Variants in RASGRF2 observed in about 807,000 individuals in gnomAD.
RASGRF2 encodes ras-specific guanine nucleotide-releasing factor 2.
In RASGRF2, 76 loss-of-function variants were observed where a neutral mutation model predicts 151.0. That is an observed-to-expected ratio of 0.50 (90% confidence interval 0.42 to 0.61). The LOEUF is 0.61. Among genes scored for constraint, RASGRF2 ranks in the 20% least tolerant of loss-of-function variants. The pLI is 0.00. For synonymous variants in RASGRF2, 504 were observed against 566.5 expected, an observed-to-expected ratio of 0.89 and a Z score of 1.57; for missense variants, 1,148 against 1,564.6, an observed-to-expected ratio of 0.73 and a Z score of 4.49.
chr5:81,108,196 A>AT (rs1285335043), intron 12 of RASGRF2, among the ~76,000 whole-genome samples: 1 of 152,200 alleles, frequency 6.6e-6, no homozygotes, highest in African/African-American at 2.4e-5. Context: ...AATTGATTAT[A>AT]TTTTTTCATT....
rs927504165 is a variant in RASGRF2 at position 81,082,696 on chromosome 5, T to C, written c.1161+1907T>C. 5.3e-5 allele frequency among the ~76,000 whole-genome samples: 8 copies of C among 152,288 alleles called. No homozygotes were observed. In the East Asian group the frequency reaches 1.5e-3, roughly 29 times the overall value. On this transcript the variant is annotated intron_variant, in intron 7 of 26. Coordinates refer to ENST00000265080, the MANE Select transcript of RASGRF2 (RefSeq NM_006909.3). Reference sequence around the variant, plus strand: ...TCTAGGAGCCCCCTCCCCAAGGATGTGGTGACCTCAAACCTTAGAATGTTG... The same window carrying C: ...TCTAGGAGCCCCCTCCCCAAGGATGCGGTGACCTCAAACCTTAGAATGTTG...
intron 3 of RASGRF2, among the ~76,000 whole-genome samples, chr5:81,069,029 C>T (rs1282997042): frequency 1.3e-5 from 2 of 152,212 alleles, no homozygotes; most frequent in Non-Finnish European, 2.9e-5. Context: ...ATGAAACCTA[C>T]TAGTAATTGT....
Position 81,217,452 on chromosome 5 carries a change from C to G in RASGRF2, c.3531C>G (p.Val1177=). The G allele has an allele frequency of 6.2e-7, 1 of 1,608,972 alleles. No homozygotes were observed. Among genetic ancestry groups the G allele is most frequent in the Non-Finnish European group, 8.5e-7 (1 of 1,177,398 alleles). The part of the protein sequence containing the change: ...GTPNFTEEGL[V]NFSKMRMISH... ...CAAACTTTACTGAGGAAGGCCTTGT[C>G]AATTTCTCCAAAATGAGAATGGTAG... is the stretch of plus-strand genomic sequence containing the variant. Residue 1177 remains valine (V), a synonymous_variant, in exon 25 of 27, where the codon GTC becomes GTG. Coordinates refer to ENST00000265080, the MANE Select transcript of RASGRF2 (RefSeq NM_006909.3).
intron 17 of RASGRF2, 92 bp from the exon 18 acceptor site, chr5:81,180,083 T>G (rs1308665945): frequency 2.2e-5 from 16 of 718,146 alleles, no homozygotes; most frequent in Non-Finnish European, 3.8e-5. Context: ...TCTGTGAGTT[T>G]CGTTAACCAA....
intron 2 of RASGRF2, among the ~76,000 whole-genome samples, chr5:81,053,274 C>T (rs1665058): frequency 1.7e-5 from 2 of 117,168 alleles, no homozygotes; most frequent in African/African-American, 6.4e-5. Context: ...TTCCCTCCCC[C>T]CTCCCCCCAC....
At chr5:81,049,161 TAAAAAAA>T (rs3991140) in intron 2 of RASGRF2, among the ~76,000 whole-genome samples, 2 of 116,848 alleles carry the variant, frequency 1.7e-5, no homozygotes, top group South Asian at 3.0e-4. Flanking sequence ...GCAAGTTCCC[TAAAAAAA>T]AAAAAAAAAA....
intron 18 of RASGRF2, among the ~76,000 whole-genome samples, chr5:81,194,101 C>A (rs1342959304): frequency 6.6e-6 from 1 of 150,398 alleles, no homozygotes; most frequent in African/African-American, 2.5e-5. Context: ...CCCAGCATTT[C>A]GGGAGGCCAA....
At chr5:81,151,717 G>A (rs546800807) in intron 17 of RASGRF2, among the ~76,000 whole-genome samples, 3 of 152,280 alleles carry the variant, frequency 2.0e-5, no homozygotes. Context: ...AGCCTTGCTA[G>A]TATAACATGG....
chr5:81,110,091 A>G (rs921009526), intron 13 of RASGRF2, among the ~76,000 whole-genome samples: 1 of 152,092 alleles, frequency 6.6e-6, no homozygotes, highest in Non-Finnish European at 1.5e-5. Flanking sequence ...ATTCCTCCCT[A>G]TGTATCTATT....
intron 1 of RASGRF2, among the ~76,000 whole-genome samples, chr5:81,032,148 C>A (rs1381986842): frequency 6.6e-6 from 1 of 152,056 alleles, no homozygotes; most frequent in African/African-American, 2.4e-5. Context: ...GAAATTGAGG[C>A]AATAATTAAT....
At chr5:81,209,572 G>A (rs1755586373) in intron 22 of RASGRF2, among the ~76,000 whole-genome samples, 1 of 152,186 alleles carries the variant, frequency 6.6e-6, no homozygotes, top group African/African-American at 2.4e-5. Context: ...TGGATGCTGT[G>A]TGAATGCTAC....
rs544755080 is a variant in RASGRF2 at position 80,989,704 on chromosome 5, G to T, written c.288+28678G>T. ...GGGAGCTAGCCTGCTCTCCTCACGTGCTGAAATAAAAGGTTCCATTTTGAA... is the reference window on the plus strand; with the variant it reads ...GGGAGCTAGCCTGCTCTCCTCACGTTCTGAAATAAAAGGTTCCATTTTGAA... On this transcript the variant is annotated intron_variant, in intron 1 of 26. Coordinates refer to ENST00000265080, the MANE Select transcript of RASGRF2 (RefSeq NM_006909.3). Among the ~76,000 whole-genome samples the T allele has an allele frequency of 4.6e-5, 7 of 152,310 alleles. No homozygotes were observed. In the East Asian group the frequency reaches 9.6e-4, roughly 21 times the overall value.
intron 1 of RASGRF2, among the ~76,000 whole-genome samples, chr5:81,039,494 T>C (rs891109419): frequency 2.6e-5 from 4 of 152,110 alleles, no homozygotes; most frequent in African/African-American, 4.8e-5. Context: ...ATATTATGCA[T>C]TAAAACATGT....
chr5:81,058,087 A>G (rs1402813047), intron 2 of RASGRF2, among the ~76,000 whole-genome samples: 1 of 152,124 alleles, frequency 6.6e-6, no homozygotes, highest in Admixed American at 6.6e-5. Flanking sequence ...TCTTATAAAT[A>G]TTACACACTA....
intron 17 of RASGRF2, among the ~76,000 whole-genome samples, chr5:81,133,274 C>T (rs577631107): frequency 1.3e-5 from 2 of 152,312 alleles, no homozygotes; most frequent in South Asian, 4.1e-4. Flanking sequence ...CAATGTCAAA[C>T]AGTCCTCCTT....
chr5:81,115,398 C>G (rs1208909664), intron 15 of RASGRF2, among the ~76,000 whole-genome samples: 2 of 152,146 alleles, frequency 1.3e-5, no homozygotes, highest in African/African-American at 4.8e-5. Context: ...AATAATGAGG[C>G]AGCGCACAAG....
chr5:81,111,138 G>A (rs977817033), intron 13 of RASGRF2, among the ~76,000 whole-genome samples: 2 of 152,168 alleles, frequency 1.3e-5, no homozygotes, highest in South Asian at 2.1e-4. Flanking sequence ...CTAATTAAAG[G>A]CATTCACAAC....
intron 1 of RASGRF2, among the ~76,000 whole-genome samples, chr5:80,987,453 G>A (rs767209751): frequency 7.9e-5 from 12 of 152,134 alleles, no homozygotes; most frequent in African/African-American, 1.7e-4. Flanking sequence ...TAGTTCAGTC[G>A]TTTGAATTCA....
At chr5:81,121,370 T>A (rs549202096) in intron 15 of RASGRF2, among the ~76,000 whole-genome samples, 146 of 152,252 alleles carry the variant, frequency 9.6e-4, no homozygotes, top group African/African-American at 3.4e-3. Context: ...GCCAATTAGG[T>A]CCCTATTGAT....
Sources: gnomAD v4.1 joint callset for allele counts (sites outside exome capture counted in the v4.1 genomes callset) on GRCh38, gnomAD v4.1.1 for gene constraint, MANE v1.5 for transcripts, NCBI Gene and HGNC (gene_info 2026-07-23, HGNC 2026-07-21) for gene names.